Variants in PALS1 observed in about 807,000 individuals in gnomAD.
The protein encoded by PALS1 is protein PALS1.
A neutral mutation model predicts 78.9 loss-of-function variants in PALS1; 31 were observed. That is an observed-to-expected ratio of 0.39 (90% confidence interval 0.30 to 0.53). The LOEUF (loss-of-function observed/expected upper bound fraction) is 0.53. PALS1 is among the 20% of genes least tolerant of loss of function. PALS1 has a pLI of 0.67. For synonymous variants in PALS1, 276 were observed against 270.9 expected, an observed-to-expected ratio of 1.02 and a Z score of -0.18; for missense variants, 704 against 826.5, an observed-to-expected ratio of 0.85 and a Z score of 1.82.
At chr14:67,329,920 T>G (rs1055212119) in intron 14 of PALS1, among the ~76,000 whole-genome samples, 43 of 151,206 alleles carry the variant, frequency 2.8e-4, no homozygotes, top group African/African-American at 9.7e-4. Context: ...ACTCACTGGA[T>G]GCAAAATGTA....
intron 1 of PALS1, among the ~76,000 whole-genome samples, chr14:67,256,629 C>G (rs916058324): frequency 6.6e-6 from 1 of 152,044 alleles, no homozygotes; most frequent in Non-Finnish European, 1.5e-5. Flanking sequence ...CTCATTGCAA[C>G]CTTAGCCTCC....
chr14:67,330,583 C>T (rs1411065252), intron 14 of PALS1, among the ~76,000 whole-genome samples: 3 of 151,670 alleles, frequency 2.0e-5, no homozygotes, highest in East Asian at 2.0e-4. Context: ...CTCAGCCTCC[C>T]GAGTAGCTGG....
chr14:67,334,348 G>C lies in PALS1; in HGVS notation c.*1392G>C, dbSNP rs1394620084. On this transcript the variant is annotated 3_prime_UTR_variant, in exon 15 of 15. Coordinates refer to ENST00000261681, the MANE Select transcript of PALS1 (RefSeq NM_022474.4). ...ATTTGCAGTCTTTTCAAGCCTTTAG[G>C]ATAGTGTGATGTGTAACAAACAACC... 1 of 152,542 alleles carries C rather than the reference G, an allele frequency of 6.6e-6. No individual in the cohort carries two copies. Among genetic ancestry groups the C allele is most frequent in the African/African-American group, 2.4e-5 (1 of 41,426 alleles). The allele number at this position is 152,542 out of a possible 1,614,324, so 9.4% of individuals were successfully genotyped here. A position where few individuals can be genotyped will look rare whatever the true frequency, so the allele number is the denominator to read the frequency against.
intron 14 of PALS1, among the ~76,000 whole-genome samples, chr14:67,329,415 A>G (rs941541314): frequency 1.3e-5 from 2 of 152,216 alleles, no homozygotes; most frequent in Non-Finnish European, 2.9e-5. Flanking sequence ...CAATCATGTC[A>G]TCTGCAAACA....
intron 1 of PALS1, among the ~76,000 whole-genome samples, chr14:67,264,745 T>TACA (rs2084292845): frequency 6.6e-6 from 1 of 152,220 alleles, no homozygotes; most frequent in Non-Finnish European, 1.5e-5. Flanking sequence ...AAAGCCATTG[T>TACA]ATGGCCTAGA....
chr14:67,303,427 C>G, intron 7 of PALS1, 95 bp from the exon 8 acceptor site: 1 of 953,066 alleles, frequency 1.0e-6, no homozygotes, highest in Non-Finnish European at 1.7e-6. Flanking sequence ...TGGAGGGGTT[C>G]TGAAATAGTC....
chr14:67,292,506 A>G lies in PALS1; in HGVS notation c.368-5A>G, dbSNP rs139022197. On this transcript the variant is annotated splice_region_variant and splice_polypyrimidine_tract_variant and intron_variant, in intron 3 of 14. Transcript: ENST00000261681. ...ATTTTTGGATACCTTTTCTTCTTCT[A>G]CTAGAAATAGAAGACTTGTTTTCTT... The G allele has an allele frequency of 4.9e-5, 78 of 1,587,510 alleles. 1 individual carries two copies. The African/African-American group carries it at 9.5e-4, about 19-fold the overall frequency.
chr14:67,308,314 CTTTT>C (rs34145010), intron 8 of PALS1, among the ~76,000 whole-genome samples: 17 of 139,486 alleles, frequency 1.2e-4, no homozygotes, highest in African/African-American at 4.2e-4. Context: ...ACCAAACTTC[CTTTT>C]TTTTTTTTTT....
At chr14:67,291,387 A>G (rs907706453) in intron 3 of PALS1, among the ~76,000 whole-genome samples, 12 of 151,458 alleles carry the variant, frequency 7.9e-5, no homozygotes, top group African/African-American at 2.9e-4. Flanking sequence ...GCCACTGTGC[A>G]GGGTTCTCCT....
chr14:67,312,575 G>C lies in PALS1; in HGVS notation c.1090G>C (p.Val364Leu). The stretch of plus-strand genomic sequence containing the variant: ...CTATGACCCCTCAGATGACCCTTAT[G>C]TTCCATGTCGAGAGTTAGGTCTGTC... ...FDYDPSDDPY[V>L]PCRELGLSFQ... The change falls in exon 9 of 15, where the codon GTT becomes CTT. Residue 364 changes from valine to leucine, a missense_variant. Physicochemically the swap from Val to Leu is conservative, Grantham distance 32 (BLOSUM62 1). Coordinates refer to ENST00000261681, the MANE Select transcript of PALS1 (RefSeq NM_022474.4). The C allele has an allele frequency of 6.2e-7, 1 of 1,613,038 alleles. No individual in the cohort carries two copies. The highest frequency in any genetic ancestry group is 8.5e-7 in the Non-Finnish European group (1 of 1,179,470).
Position 67,333,966 on chromosome 14 carries a change from A to G in PALS1, c.*1010A>G. ...ATAAACTGGAATTCTGTTGATGAAT[A>G]TAGCTGCTGTACTGTATATTAATAT... On this transcript the variant is annotated 3_prime_UTR_variant, in exon 15 of 15. Coordinates refer to ENST00000261681, the MANE Select transcript of PALS1 (RefSeq NM_022474.4). 6.6e-6 allele frequency: 1 copy of G among 152,624 alleles called. No individual in the cohort carries two copies. The highest frequency in any genetic ancestry group is 1.9e-4 in the East Asian group (1 of 5,200). The allele number at this position is 152,624 out of a possible 1,614,324, so 9.5% of individuals were successfully genotyped here. A position where few individuals can be genotyped will look rare whatever the true frequency, so the allele number is the denominator to read the frequency against.
chr14:67,297,853 C>G (rs1031547957), intron 4 of PALS1, among the ~76,000 whole-genome samples: 3 of 152,262 alleles, frequency 2.0e-5, no homozygotes, highest in African/African-American at 7.2e-5. Context: ...AGATACAATT[C>G]TATCTTCATT....
chr14:67,293,441 C>A (rs2084802397), intron 4 of PALS1, among the ~76,000 whole-genome samples: 1 of 152,040 alleles, frequency 6.6e-6, no homozygotes, highest in African/African-American at 2.4e-5. Context: ...CCAACATGAG[C>A]AGAAAATGGG....
At chr14:67,286,699 A>G (rs1456025178) in intron 3 of PALS1, among the ~76,000 whole-genome samples, 1 of 150,210 alleles carries the variant, frequency 6.7e-6, no homozygotes, top group Non-Finnish European at 1.5e-5. Context: ...CTACCAAAAA[A>G]AATACAAAAA....
intron 3 of PALS1, among the ~76,000 whole-genome samples, chr14:67,281,360 TTTAA>T (rs2084606859): frequency 6.6e-6 from 1 of 152,214 alleles, no homozygotes; most frequent in South Asian, 2.1e-4. Flanking sequence ...CTTCAGACAT[TTTAA>T]TTACAGTGAA....
chr14:67,266,203 T>C (rs1779097983), intron 1 of PALS1, among the ~76,000 whole-genome samples: 1 of 152,170 alleles, frequency 6.6e-6, no homozygotes, highest in Non-Finnish European at 1.5e-5. Flanking sequence ...TATTTAAAAG[T>C]CTTTTTAGTT....
At chr14:67,325,094 A>T (rs2085331725) in intron 14 of PALS1, among the ~76,000 whole-genome samples, 1 of 151,476 alleles carries the variant, frequency 6.6e-6, no homozygotes, top group African/African-American at 2.4e-5. Flanking sequence ...TTTAGTAGAG[A>T]CAGGATTTCA....
intron 8 of PALS1, 62 bp from the exon 9 acceptor site, chr14:67,312,465 G>T (rs773615366): frequency 8.5e-7 from 1 of 1,174,552 alleles, no homozygotes. Context: ...CATTTAAATT[G>T]TATTCATATG....
chr14:67,296,889 A>G (rs1446464810), intron 4 of PALS1, among the ~76,000 whole-genome samples: 2 of 152,110 alleles, frequency 1.3e-5, no homozygotes, highest in Non-Finnish European at 2.9e-5. Flanking sequence ...TCTTGGGCTC[A>G]AACAATCCTT....
Sources: allele counts gnomAD v4.1 joint callset (sites outside exome capture counted in the v4.1 genomes callset), GRCh38; gene constraint gnomAD v4.1.1; transcripts MANE v1.5; gene names NCBI Gene and HGNC (gene_info 2026-07-23, HGNC 2026-07-21).